Variants in DCDC2 observed in about 807,000 individuals in gnomAD.
DCDC2 encodes doublecortin domain containing 2.
In DCDC2, 40 loss-of-function variants were observed where a neutral mutation model predicts 50.2. That is an observed-to-expected ratio of 0.80 (90% CI 0.62 to 1.04). DCDC2 has a LOEUF of 1.04. Ranked by LOEUF, DCDC2 falls within the 50% of genes least tolerant of loss-of-function variation. DCDC2 has a pLI of 0.00. For missense variants in DCDC2, 570 were observed against 581.9 expected (o/e 0.98, Z 0.21); for synonymous variants, 234 against 210.6 (o/e 1.11, Z -0.96).
At chr6:24,270,637 G>C (rs768279627) in intron 7 of DCDC2, among the ~76,000 whole-genome samples, 1 of 152,088 alleles carries the variant, frequency 6.6e-6, no homozygotes, top group Non-Finnish European at 1.5e-5. Flanking sequence ...GGCCTGACAA[G>C]GAAAACAGGG....
chr6:24,278,074 ATTCTT>A lies in DCDC2; in HGVS notation c.892_896del (p.Lys298PhefsTer8), dbSNP rs1272012912. On this transcript the variant is annotated frameshift_variant, in exon 7 of 10. Transcript: ENST00000378454. LOFTEE classifies it high-confidence loss of function. ...CACTATTTGGAATGGTTTCTTGTGA[ATTCTT>A]TAATTTTACATTTTGTTTCAATTTC... 2 of 1,612,248 alleles carry A rather than the reference ATTCTT, an allele frequency of 1.2e-6. No individual in the cohort carries two copies. The highest frequency in any genetic ancestry group is 2.7e-5 in the African/African-American group (2 of 74,834).
chr6:24,298,085 G>A (rs1275815699), intron 4 of DCDC2, among the ~76,000 whole-genome samples: 3 of 152,236 alleles, frequency 2.0e-5, no homozygotes, highest in Non-Finnish European at 4.4e-5. Flanking sequence ...GGACGGGATG[G>A]TTATGAGATG....
rs533861242 is a variant in DCDC2 at position 24,224,888 on chromosome 6, C to A, written c.923-19786G>T. ...AATTCTAAATATTACTTTAAAAGAG[C>A]CTTAAAGAGGAAGTTTTAAGGGAAG... On this transcript the variant is annotated intron_variant, in intron 7 of 9. Coordinates refer to ENST00000378454, the MANE Select transcript of DCDC2 (RefSeq NM_016356.5). Among the ~76,000 whole-genome samples the A allele has an allele frequency of 5.3e-5, 8 of 152,048 alleles. No homozygotes were observed. In the South Asian group the frequency reaches 1.7e-3, roughly 32 times the overall value.
At chr6:24,346,995 T>C (rs375398364) in intron 2 of DCDC2, among the ~76,000 whole-genome samples, 118 of 152,220 alleles carry the variant, frequency 7.8e-4, no homozygotes, top group African/African-American at 2.7e-3. Flanking sequence ...GGCTAAGCAA[T>C]GGAGATTCAA....
At chr6:24,343,003 A>G (rs985629998) in intron 2 of DCDC2, among the ~76,000 whole-genome samples, 2 of 149,804 alleles carry the variant, frequency 1.3e-5, no homozygotes, top group African/African-American at 4.9e-5. Flanking sequence ...GTCTTTTTAT[A>G]TCTGCAGGCC....
chr6:24,251,039 T>A (rs1762782977), intron 7 of DCDC2, among the ~76,000 whole-genome samples: 1 of 152,188 alleles, frequency 6.6e-6, no homozygotes, highest in African/African-American at 2.4e-5. Context: ...GGAAAGGCAA[T>A]TTCTCAAACA....
intron 2 of DCDC2, among the ~76,000 whole-genome samples, chr6:24,342,211 T>C (rs1450149074): frequency 1.3e-5 from 2 of 152,230 alleles, no homozygotes; most frequent in Non-Finnish European, 2.9e-5. Context: ...TCCAGGGTGC[T>C]ATGCTACCTT....
At chr6:24,286,465 T>G (rs917661985) in intron 6 of DCDC2, among the ~76,000 whole-genome samples, 47 of 152,092 alleles carry the variant, frequency 3.1e-4, no homozygotes, top group African/African-American at 1.1e-3. Flanking sequence ...TGGTGGCACA[T>G]GCCTGGAGTC....
chr6:24,373,823 G>A, the DCDC2 span, among the ~76,000 whole-genome samples: 1 of 152,142 alleles, frequency 6.6e-6, no homozygotes, highest in Non-Finnish European at 1.5e-5. Flanking sequence ...AGATGAATAA[G>A]CTAATTCTCA....
rs377631797 is a variant in DCDC2, at chr6:24,330,454, T to C, written c.348+23115A>G. 2.0e-5 allele frequency among the ~76,000 whole-genome samples: 3 copies of C among 152,256 alleles called. No individual in the cohort carries two copies. The East Asian group carries it at 5.8e-4, about 29-fold the overall frequency. On this transcript the variant is annotated intron_variant, in intron 2 of 9. Coordinates refer to ENST00000378454, the MANE Select transcript of DCDC2 (RefSeq NM_016356.5). Reference sequence around the variant, plus strand: ...TGTACAAACATATTGTTTGGGCAACTTTGCTCTAAAAAGTCATTTTGTCTA... The same window carrying C: ...TGTACAAACATATTGTTTGGGCAACCTTGCTCTAAAAAGTCATTTTGTCTA...
intron 7 of DCDC2, among the ~76,000 whole-genome samples, chr6:24,260,138 A>G (rs1237921920): frequency 6.6e-6 from 1 of 152,126 alleles, no homozygotes; most frequent in Non-Finnish European, 1.5e-5. Context: ...TCTTCCTTAA[A>G]CTTTTTCATC....
In DCDC2 at chr6:24,290,935, A is replaced by G; in HGVS notation, c.701T>C (p.Phe234Ser). Residue 234 changes from phenylalanine to serine, a missense_variant, in exon 5 of 10, where the codon TTT becomes TCT. Physicochemically the swap from Phe to Ser is radical, Grantham distance 155. Transcript: ENST00000378454. Reference sequence around the variant, plus strand: ...AGTGGTAAGGAGTAAGACTTACCCAAAAGGCCTTCTCATCGTTGACTTGTC... The same window carrying G: ...AGTGGTAAGGAGTAAGACTTACCCAGAAGGCCTTCTCATCGTTGACTTGTC... ...LFDKSTMRRP[F>S]GQKASSLPPI... 1 of 1,613,342 alleles carries G rather than the reference A, an allele frequency of 6.2e-7. No individual in the cohort carries two copies. Among genetic ancestry groups the G allele is most frequent in the Non-Finnish European group, 8.5e-7 (1 of 1,179,798 alleles).
intron 2 of DCDC2, among the ~76,000 whole-genome samples, chr6:24,304,640 T>C (rs749851500): frequency 6.6e-6 from 1 of 152,204 alleles, no homozygotes. Context: ...CCTTCAAAGA[T>C]AGTCTGTACA....
chr6:24,180,305 G>A (rs1455707690), intron 8 of DCDC2, among the ~76,000 whole-genome samples: 1 of 151,552 alleles, frequency 6.6e-6, no homozygotes, highest in African/African-American at 2.4e-5. Context: ...TTTTTTTTGA[G>A]ACAGAGTCTT....
At chr6:24,217,291 C>A (rs558864139) in intron 7 of DCDC2, among the ~76,000 whole-genome samples, 1 of 152,212 alleles carries the variant, frequency 6.6e-6, no homozygotes, top group South Asian at 2.1e-4. Flanking sequence ...ATACCTAGCT[C>A]AAATATGAAA....
In DCDC2 at chr6:24,290,707, C is replaced by T. The variant is rs148005172; in HGVS notation, c.704+225G>A. On this transcript the variant is annotated intron_variant, in intron 5 of 9. Transcript: ENST00000378454. ...AAATTTCATGCATGCTAAAAAAAAA[C>T]CATGTAGTCTTTCATAACTTCCCAG... is the stretch of plus-strand genomic sequence containing the variant. 5.8e-3 allele frequency among the ~76,000 whole-genome samples: 880 copies of T among 150,816 alleles called. 11 individuals carry two copies. The highest frequency in any genetic ancestry group is 0.02 in the African/African-American group (834 of 41,100).
chr6:24,358,936 T>TATATATTTTATATATTATATATTATATA (rs1561788593), upstream of DCDC2, among the ~76,000 whole-genome samples: 2 of 16,990 alleles, frequency 1.2e-4, no homozygotes, highest in African/African-American at 4.8e-4. Flanking sequence ...TATTATATAT[T>TATATATTTTATATATTATATATTATATA]TTATATATTA....
chr6:24,187,700 C>T (rs1050301166), intron 8 of DCDC2, among the ~76,000 whole-genome samples: 8 of 152,122 alleles, frequency 5.3e-5, no homozygotes, highest in African/African-American at 1.9e-4. Context: ...TCTGGATATT[C>T]GTCTTAAATA....
At chr6:24,362,746 A>G (rs953004143), upstream of DCDC2, among the ~76,000 whole-genome samples, 16 of 152,250 alleles carry the variant, frequency 1.1e-4, no homozygotes, top group African/African-American at 3.1e-4. Flanking sequence ...CACTTTTCCT[A>G]TGTTTCCTGT....
Sources: gnomAD v4.1 joint callset for allele counts (sites outside exome capture counted in the v4.1 genomes callset) on GRCh38, gnomAD v4.1.1 for gene constraint, MANE v1.5 for transcripts, NCBI Gene and HGNC (gene_info 2026-07-23, HGNC 2026-07-21) for gene names.